TRAPPC12: variants seen among roughly 807,000 people sequenced by gnomAD.
TRAPPC12 encodes the protein trafficking protein particle complex subunit 12, also known as TPR repeat protein 15.
In TRAPPC12, 61 loss-of-function variants were observed where a neutral mutation model predicts 69.2. The ratio of observed to expected loss-of-function variants is 0.88; its 90% CI spans 0.72 to 1.09. The LOEUF (loss-of-function observed/expected upper bound fraction) is 1.09. Ranked by LOEUF, TRAPPC12 falls within the 50% of genes least tolerant of loss-of-function variation. The pLI, the probability that TRAPPC12 is intolerant of heterozygous loss-of-function variation, is 0.00. For missense variants in TRAPPC12, 1,101 were observed against 1,016.4 expected (o/e 1.08, Z -1.13); for synonymous variants, 469 against 438.9 (o/e 1.07, Z -0.86).
At chr2:3,406,730 C>G (rs534971274) in intron 3 of TRAPPC12, among the ~76,000 whole-genome samples, 1 of 152,302 alleles carries the variant, frequency 6.6e-6, no homozygotes, top group Non-Finnish European at 1.5e-5. Context: ...TGTGATGTAT[C>G]CTCTTGAGGC....
intron 6 of TRAPPC12, among the ~76,000 whole-genome samples, chr2:3,454,435 T>C (rs10166524): frequency 0.12 from 17,253 of 145,584 alleles, 1,204 homozygotes; most frequent in Middle Eastern, 0.26. Flanking sequence ...GCCTGCCTGG[T>C]GTCTCCGTCT....
At chr2:3,472,927 A>G (rs758771400) in intron 9 of TRAPPC12, among the ~76,000 whole-genome samples, 13 of 152,144 alleles carry the variant, frequency 8.5e-5, no homozygotes, top group African/African-American at 1.4e-4. Flanking sequence ...GTTTCTGGCC[A>G]AGCAGACTTG....
rs1408464242 is a variant in TRAPPC12 at position 3,424,544 on chromosome 2, C to T, written c.1298C>T (p.Ala433Val). 1 of 1,613,522 alleles carries T rather than the reference C, an allele frequency of 6.2e-7. No individual in the cohort carries two copies. Among genetic ancestry groups the T allele is most frequent in the Admixed American group, 1.7e-5 (1 of 59,730 alleles). ...DSLQLWFVRL[A>V]LLVKLGLFQN... Reference sequence around the variant, plus strand: ...TTTTAGCTCTGGTTTGTCAGGCTGGCACTACTAGTGAAGTTGGGCCTTTTC... The same window carrying T: ...TTTTAGCTCTGGTTTGTCAGGCTGGTACTACTAGTGAAGTTGGGCCTTTTC... Residue 433 changes from alanine (A) to valine (V), a missense_variant, in exon 5 of 12, where the codon GCA (alanine) becomes GTA (valine). Ala to Val is a moderately conservative substitution (Grantham distance 64, BLOSUM62 0). Transcript: ENST00000324266.
chr2:3,457,127 G>A (rs1019787769), intron 6 of TRAPPC12: 1 of 464,744 alleles, frequency 2.2e-6, no homozygotes. Flanking sequence ...CGTAAAAAAA[G>A]AACCAAATCA....
chr2:3,408,305 C>T (rs1661843023), intron 3 of TRAPPC12, among the ~76,000 whole-genome samples: 3 of 152,196 alleles, frequency 2.0e-5, no homozygotes, highest in Admixed American at 1.3e-4. Context: ...TTGATTCGAA[C>T]GTGAATTGTC....
intron 6 of TRAPPC12, among the ~76,000 whole-genome samples, chr2:3,446,680 A>G (rs901189541): frequency 6.6e-6 from 1 of 152,244 alleles, no homozygotes; most frequent in Non-Finnish European, 1.5e-5. Flanking sequence ...CTGCGGGGAC[A>G]TGGAGCAATG....
chr2:3,427,292 A>G (rs1663162476), intron 5 of TRAPPC12, among the ~76,000 whole-genome samples: 1 of 152,178 alleles, frequency 6.6e-6, no homozygotes, highest in African/African-American at 2.4e-5. Context: ...GGCTGGACCC[A>G]GGTCTGTGGG....
chr2:3,456,534 G>A (rs1361641645), intron 6 of TRAPPC12: 1 of 152,710 alleles, frequency 6.5e-6, no homozygotes, highest in Non-Finnish European at 1.5e-5. Flanking sequence ...GTAGGAATGA[G>A]ACTGACATCT....
At chr2:3,452,011 G>A (rs932662232) in intron 6 of TRAPPC12, among the ~76,000 whole-genome samples, 3 of 152,220 alleles carry the variant, frequency 2.0e-5, no homozygotes, top group Non-Finnish European at 2.9e-5. Flanking sequence ...CCACAGGGAT[G>A]TATGACCTTC....
chr2:3,453,345 G>C (rs10193460), intron 6 of TRAPPC12, among the ~76,000 whole-genome samples: 18,717 of 152,172 alleles, frequency 0.12, 1,285 homozygotes, highest in Middle Eastern at 0.28. Flanking sequence ...AGCTCCCAGG[G>C]AATGTGCAGG....
intron 1 of TRAPPC12, among the ~76,000 whole-genome samples, chr2:3,380,391 C>T (rs1660151661): frequency 6.6e-6 from 1 of 152,264 alleles, no homozygotes; most frequent in Admixed American, 6.5e-5. Flanking sequence ...TGTTGCTACA[C>T]ATACTAATTG....
intron 2 of TRAPPC12, 95 bp downstream of exon 2, chr2:3,388,765 C>T (rs918950337): frequency 2.7e-5 from 34 of 1,253,856 alleles, no homozygotes; most frequent in Non-Finnish European, 3.4e-5. Context: ...AGGAGAAGGC[C>T]TTGTTTTCAG....
Position 3,401,804 on chromosome 2 carries a change from C to T in TRAPPC12, c.1075C>T (p.Arg359Cys), listed in dbSNP as rs781102632. 27 of 1,595,846 alleles carry T rather than the reference C, an allele frequency of 1.7e-5. No homozygotes were observed. The highest frequency in any genetic ancestry group is 4.5e-5 in the East Asian group (2 of 44,256). The change falls in exon 3 of 12, where the codon CGC becomes TGC. Residue 359 changes from arginine (R) to cysteine (C), a missense_variant. By Grantham distance (180) the Arg-to-Cys change is radical. Transcript: ENST00000324266. The stretch of plus-strand genomic sequence containing the variant: ...AGATGCAGTTAAAGACTTGATGCTT[C>T]GCTTTCTGGGTGAAAAAGCTGCAGC... ...QGDAVKDLMLRFLGEKAAAKR... is the reference protein window; with the variant it reads ...QGDAVKDLMLCFLGEKAAAKR...
At position 3,387,984 on chromosome 2, in the gene TRAPPC12, G is replaced by A. The variant is rs371884821; in HGVS notation, c.361G>A (p.Glu121Lys). 873 of 1,473,920 alleles carry A rather than the reference G, an allele frequency of 5.9e-4. 5 individuals are homozygous for A. In the African/African-American group the frequency reaches 0.012, roughly 20 times the overall value. 91.3% of individuals were successfully genotyped at this position (1,473,920 alleles called of 1,614,324 possible). A position where few individuals can be genotyped will look rare whatever the true frequency, so the allele number is the denominator to read the frequency against. Residue 121 changes from glutamate (E) to lysine (K), a missense_variant, in exon 2 of 12, where the codon GAG becomes AAG. Glu to Lys is a moderately conservative substitution (Grantham distance 56, BLOSUM62 1). Transcript: ENST00000324266. ...CGAGGCCGACGGCGACTGTGCCCCC[G>A]AGGACGCGGCACCCAGTAGCGGAGG... is the stretch of plus-strand genomic sequence containing the variant. ...SGEADGDCAP[E>K]DAAPSSGGAP... is the part of the protein sequence containing the mutation.
chr2:3,400,643 C>T (rs944093676), intron 2 of TRAPPC12, among the ~76,000 whole-genome samples: 1 of 152,230 alleles, frequency 6.6e-6, no homozygotes, highest in African/African-American at 2.4e-5. Context: ...GTCCTGTGAG[C>T]AGCCTTTACT....
chr2:3,477,845 T>C (rs949152262), intron 10 of TRAPPC12, 50 bp downstream of exon 10: 6 of 1,329,530 alleles, frequency 4.5e-6, no homozygotes, highest in Middle Eastern at 1.9e-4. Context: ...CCCAGAGGCG[T>C]TCAAGCCCCA....
At position 3,458,506 on chromosome 2, in the gene TRAPPC12, C is replaced by T. The variant is rs567840873; in HGVS notation, c.1603+813C>T. 38 of 957,910 alleles carry T rather than the reference C, an allele frequency of 4.0e-5. No homozygotes were observed. The East Asian group carries it at 2.5e-3, about 64-fold the overall frequency. 59.3% of individuals were successfully genotyped at this position (957,910 alleles called of 1,614,324 possible). Reference sequence around the variant, plus strand: ...GAACTGCTGGCTGGTGTGAGCTGAACGTGTGTGAGGTGTGTATGTGTGTGG... The same window carrying T: ...GAACTGCTGGCTGGTGTGAGCTGAATGTGTGTGAGGTGTGTATGTGTGTGG... On this transcript the variant is annotated intron_variant, in intron 7 of 11. Coordinates refer to ENST00000324266, the MANE Select transcript of TRAPPC12 (RefSeq NM_016030.6).
At chr2:3,466,601 C>T (rs1665822773) in intron 9 of TRAPPC12, among the ~76,000 whole-genome samples, 1 of 152,248 alleles carries the variant, frequency 6.6e-6, no homozygotes, top group Admixed American at 6.5e-5. Flanking sequence ...CACACAGTTG[C>T]TCACACATGC....
chr2:3,400,212 C>T (rs1316074764), intron 2 of TRAPPC12, among the ~76,000 whole-genome samples: 1 of 152,066 alleles, frequency 6.6e-6, no homozygotes, highest in Non-Finnish European at 1.5e-5. Context: ...GCCACTGCTT[C>T]CTCCTCCCAG....
Sources: allele counts gnomAD v4.1 joint callset (sites outside exome capture counted in the v4.1 genomes callset), GRCh38; gene constraint gnomAD v4.1.1; transcripts MANE v1.5; gene names NCBI Gene and HGNC (gene_info 2026-07-23, HGNC 2026-07-21).